The following PTP4A1 variants were observed in gnomAD, a reference collection of about 807,000 sequenced individuals.
PTP4A1 encodes protein tyrosine phosphatase 4A1, also known as protein tyrosine phosphatase type IVA 1.
Under a neutral mutation model 20.5 loss-of-function variants are expected in PTP4A1, and 9 were observed. That is an observed-to-expected ratio of 0.44 (90% CI 0.26 to 0.77). PTP4A1 has a LOEUF of 0.77. PTP4A1 is among the 30% of genes least tolerant of loss of function. The pLI is 0.19. For synonymous variants in PTP4A1, 78 were observed against 67.4 expected, an observed-to-expected ratio of 1.16 and a Z score of -0.77; for missense variants, 137 against 218.8, an observed-to-expected ratio of 0.63 and a Z score of 2.36.
chr6:63,533,483 T>A (rs1267548843), intron 2 of PTP4A1, among the ~76,000 whole-genome samples: 1 of 152,182 alleles, frequency 6.6e-6, no homozygotes, highest in Non-Finnish European at 1.5e-5. Context: ...AGAACAGAGC[T>A]CTTTAAAAAA....
At chr6:63,524,018 G>C (rs1775055011) in intron 1 of PTP4A1, among the ~76,000 whole-genome samples, 1 of 151,490 alleles carries the variant, frequency 6.6e-6, no homozygotes, top group African/African-American at 2.4e-5. Flanking sequence ...GTCTTGCTCT[G>C]TCGCCCAGGC....
chr6:63,560,125 G>C (rs928156950), intron 3 of PTP4A1, among the ~76,000 whole-genome samples: 2 of 151,964 alleles, frequency 1.3e-5, no homozygotes, highest in Non-Finnish European at 2.9e-5. Flanking sequence ...TGAATTACTT[G>C]AAAAGTGAAA....
chr6:63,550,476 A>G (rs975691558), exon 3 of PTP4A1: 6 of 152,208 alleles, frequency 3.9e-5, no homozygotes, highest in East Asian at 1.9e-4. Flanking sequence ...TGAAGAAAGA[A>G]CCCTGCTACA....
intron 2 of PTP4A1, among the ~76,000 whole-genome samples, chr6:63,545,615 A>T (rs1451474265): frequency 6.6e-6 from 1 of 152,156 alleles, no homozygotes; most frequent in Non-Finnish European, 1.5e-5. Flanking sequence ...TGTCTCAAAA[A>T]AAAAAAGGAA....
upstream of PTP4A1, among the ~76,000 whole-genome samples, chr6:63,520,401 C>T (rs1014898317): frequency 1.5e-4 from 23 of 151,944 alleles, no homozygotes; most frequent in East Asian, 1.9e-4. Flanking sequence ...CTGAGGCGGG[C>T]GGATCACTTG....
chr6:63,583,364 CTGGTTTAAAAG>C lies in PTP4A1; in HGVS notation c.*3204_*3214del, dbSNP rs374652157. On this transcript the variant is annotated 3_prime_UTR_variant, in exon 6 of 6. Coordinates refer to ENST00000626021, the MANE Select transcript of PTP4A1 (RefSeq NM_003463.5). Reference sequence around the variant, plus strand: ...TCACACCTGAATTGAAAATTAAAGACTGGTTTAAAAGTGGTTTAAAAGTGACATTTAATGTT... The same window carrying C: ...TCACACCTGAATTGAAAATTAAAGACTGGTTTAAAAGTGACATTTAATGTT... 6 of 152,124 alleles carry C rather than the reference CTGGTTTAAAAG, an allele frequency of 3.9e-5. No homozygotes were observed. The highest frequency in any genetic ancestry group is 2.0e-4 in the Admixed American group (3 of 15,272). 9.4% of individuals were successfully genotyped at this position (152,124 alleles called of 1,614,324 possible). A position where few individuals can be genotyped will look rare whatever the true frequency, so the allele number is the denominator to read the frequency against.
At chr6:63,578,758 T>G in intron 3 of PTP4A1, 140 bp from the exon 4 acceptor site, 3 of 1,121,396 alleles carry the variant, frequency 2.7e-6, no homozygotes, top group Non-Finnish European at 2.4e-6. Flanking sequence ...TCACATTTGG[T>G]AGACAACAGG....
At chr6:63,543,518 A>G (rs1460354181) in intron 2 of PTP4A1, among the ~76,000 whole-genome samples, 2 of 152,232 alleles carry the variant, frequency 1.3e-5, no homozygotes, top group African/African-American at 4.8e-5. Flanking sequence ...AGTATCTGAC[A>G]GGAAGAATAA....
chr6:63,553,517 C>G (rs1776539189), intron 3 of PTP4A1, among the ~76,000 whole-genome samples: 1 of 152,292 alleles, frequency 6.6e-6, no homozygotes, highest in East Asian at 1.9e-4. Context: ...AGTTTGGTAT[C>G]CTGTCATGCA....
chr6:63,518,293 A>G (rs1200413328), upstream of PTP4A1, among the ~76,000 whole-genome samples: 2 of 152,246 alleles, frequency 1.3e-5, no homozygotes, highest in Admixed American at 1.3e-4. Flanking sequence ...TAATAAGCAT[A>G]ACATCAATTC....
intron 3 of PTP4A1, among the ~76,000 whole-genome samples, chr6:63,559,362 C>T (rs1215526490): frequency 1.3e-5 from 2 of 152,038 alleles, no homozygotes; most frequent in African/African-American, 4.8e-5. Context: ...TCCATCCTTA[C>T]TTGTAAAAAC....
At chr6:63,516,780 G>A (rs1246590927), upstream of PTP4A1, among the ~76,000 whole-genome samples, 1 of 152,164 alleles carries the variant, frequency 6.6e-6, no homozygotes, top group South Asian at 2.1e-4. Flanking sequence ...TTAAAGAAAG[G>A]GGTAGGACTT....
chr6:63,535,727 A>G (rs535489048), intron 2 of PTP4A1, among the ~76,000 whole-genome samples: 55 of 152,278 alleles, frequency 3.6e-4, no homozygotes, highest in African/African-American at 1.3e-3. Context: ...CCTTTGTGAT[A>G]TCAAAGGATC....
chr6:63,560,483 A>T (rs1776895965), intron 3 of PTP4A1, among the ~76,000 whole-genome samples: 1 of 150,836 alleles, frequency 6.6e-6, no homozygotes, highest in Admixed American at 6.6e-5. Flanking sequence ...ACTCACTGCA[A>T]CCTCTGCCTC....
In PTP4A1 at chr6:63,578,904, C is replaced by G; in HGVS notation, c.205C>G (p.Pro69Ala). Residue 69 changes from proline to alanine, a missense_variant, in exon 4 of 6, where the codon CCT becomes GCT. Coordinates refer to ENST00000626021, the MANE Select transcript of PTP4A1 (RefSeq NM_003463.5). ...EKEGIHVLDW[P>A]FDDGAPPSNQ... is the part of the protein sequence containing the mutation. ...AAATATTCTTCTGACTTAGGATTGG[C>G]CTTTTGATGATGGTGCACCACCATC... 1 of 1,557,968 alleles carries G rather than the reference C, an allele frequency of 6.4e-7. No individual in the cohort carries two copies. The highest frequency in any genetic ancestry group is 8.7e-7 in the Non-Finnish European group (1 of 1,155,786).
At position 63,531,830 on chromosome 6, in the gene PTP4A1, A is replaced by AC. The variant is rs2149477972; in HGVS notation, c.-640+3747dup. ...TATCTGCATGTTTATGGCCACATAC[A>AC]CTTTTTTTTTTTTTTGAGACAGAGT... On this transcript the variant is annotated intron_variant, in intron 2 of 3. Transcript: ENST00000639568. 2.0e-5 allele frequency among the ~76,000 whole-genome samples: 3 copies of AC among 146,518 alleles called. No homozygotes were observed. The South Asian group carries it at 6.4e-4, about 31-fold the overall frequency.
At chr6:63,568,967 T>A (rs550096947), upstream of PTP4A1, among the ~76,000 whole-genome samples, 1 of 152,318 alleles carries the variant, frequency 6.6e-6, no homozygotes, top group East Asian at 1.9e-4. Flanking sequence ...TACCTTGCAA[T>A]CTAGTGTCTT....
chr6:63,539,191 G>A (rs1306491189), intron 2 of PTP4A1, among the ~76,000 whole-genome samples: 1 of 152,072 alleles, frequency 6.6e-6, no homozygotes, highest in African/African-American at 2.4e-5. Flanking sequence ...ACCGTGCCTG[G>A]CCTGTAAAGT....
chr6:63,557,391 C>T (rs1215147030), intron 3 of PTP4A1, among the ~76,000 whole-genome samples: 1 of 152,018 alleles, frequency 6.6e-6, no homozygotes, highest in South Asian at 2.1e-4. Flanking sequence ...CATGGTGAAA[C>T]CCTGTCTCTA....
Sources: gnomAD v4.1 joint callset for allele counts (sites outside exome capture counted in the v4.1 genomes callset) on GRCh38, gnomAD v4.1.1 for gene constraint, MANE v1.5 for transcripts, NCBI Gene and HGNC (gene_info 2026-07-23, HGNC 2026-07-21) for gene names.